Variants in UVRAG observed in about 807,000 individuals in gnomAD.
UVRAG encodes UV radiation resistance-associated gene protein.
UVRAG carries 19 observed loss-of-function variants against 78.0 expected under a neutral mutation model. The observed-to-expected ratio is 0.24, with a 90% CI of 0.17 to 0.36. UVRAG has a LOEUF of 0.36. UVRAG is among the 10% of genes least tolerant of loss of function. The pLI is 1.00. For synonymous variants in UVRAG, 323 were observed against 324.6 expected (o/e 1.00, Z 0.05); for missense variants, 740 against 853.8 (o/e 0.87, Z 1.66).
chr11:75,828,639 T>G (rs561718115), intron 1 of UVRAG, among the ~76,000 whole-genome samples: 2 of 149,152 alleles, frequency 1.3e-5, no homozygotes, highest in Non-Finnish European at 3.0e-5. Flanking sequence ...CCACCATGCC[T>G]GGCTAATTTA....
chr11:75,893,806 G>A lies in UVRAG; in HGVS notation c.507+4903G>A, dbSNP rs139842744. ...TGCAGTGAGCTGTGATCGCACCATT[G>A]CACTCTAGCCTATGTGACAGAAAAA... On this transcript the variant is annotated intron_variant, in intron 5 of 14. Coordinates refer to ENST00000356136, the MANE Select transcript of UVRAG (RefSeq NM_003369.4). 8.9e-3 allele frequency among the ~76,000 whole-genome samples: 1,339 copies of A among 150,680 alleles called. 20 individuals are homozygous for A. The highest frequency in any genetic ancestry group is 0.032 in the African/African-American group (1,291 of 40,922).
intron 12 of UVRAG, among the ~76,000 whole-genome samples, chr11:76,038,072 C>T (rs1459299171): frequency 2.0e-5 from 3 of 151,898 alleles, no homozygotes; most frequent in African/African-American, 7.2e-5. Context: ...TCTATTGGTT[C>T]TAGAAGTACC....
chr11:75,947,524 A>T, intron 6 of UVRAG, among the ~76,000 whole-genome samples: 1 of 152,208 alleles, frequency 6.6e-6, no homozygotes. Context: ...AACCTGATAT[A>T]TAAGGGGAGG....
rs140740578 is a variant in UVRAG, at chr11:76,094,080, T to C, written c.1306-21844T>C. ...GTTTTTAGCATGCAGGGCTGTTGAA[T>C]TTGTCAAAGGCCTTTTCTGCATCTA... On this transcript the variant is annotated intron_variant, in intron 13 of 14. Coordinates refer to ENST00000356136, the MANE Select transcript of UVRAG (RefSeq NM_003369.4). 1.8e-4 allele frequency among the ~76,000 whole-genome samples: 27 copies of C among 152,298 alleles called. No homozygotes were observed. The East Asian group carries it at 5.2e-3, about 29-fold the overall frequency.
At chr11:76,097,946 A>G (rs1305224724) in intron 13 of UVRAG, among the ~76,000 whole-genome samples, 1 of 151,582 alleles carries the variant, frequency 6.6e-6, no homozygotes, top group Non-Finnish European at 1.5e-5. Flanking sequence ...TGTTCTATCC[A>G]TTTTCTAACC....
At chr11:75,969,260 G>T (rs535789008) in intron 7 of UVRAG, among the ~76,000 whole-genome samples, 1 of 152,296 alleles carries the variant, frequency 6.6e-6, no homozygotes, top group Non-Finnish European at 1.5e-5. Flanking sequence ...TTTATGGCTG[G>T]CTGTTTCACT....
At chr11:76,111,600 C>G (rs1952067797) in intron 13 of UVRAG, among the ~76,000 whole-genome samples, 1 of 152,146 alleles carries the variant, frequency 6.6e-6, no homozygotes, top group South Asian at 2.1e-4. Context: ...ACACAGAGTT[C>G]CCCAACTGCC....
intron 14 of UVRAG, among the ~76,000 whole-genome samples, chr11:76,138,921 CA>C (rs2134514309): frequency 6.6e-6 from 1 of 152,262 alleles, no homozygotes; most frequent in Non-Finnish European, 1.5e-5. Context: ...ACAAGGCTTG[CA>C]AAAATGTGTA....
chr11:75,918,372 C>T (rs557949882), intron 6 of UVRAG, among the ~76,000 whole-genome samples: 16 of 148,718 alleles, frequency 1.1e-4, no homozygotes, highest in African/African-American at 3.7e-4. Context: ...AGCGAGACTC[C>T]GTCTCAGAAA....
chr11:76,048,185 A>AC (rs1388986763), intron 12 of UVRAG, among the ~76,000 whole-genome samples: 2 of 152,244 alleles, frequency 1.3e-5, no homozygotes, highest in African/African-American at 4.8e-5. Flanking sequence ...TTTGGGCTTG[A>AC]AAGCCTAGCC....
intron 14 of UVRAG, among the ~76,000 whole-genome samples, chr11:76,129,279 A>G (rs187254690): frequency 1.7e-4 from 26 of 152,348 alleles, no homozygotes; most frequent in Non-Finnish European, 1.5e-5. Flanking sequence ...GTTTTACACA[A>G]GGGATCATTT....
At position 76,141,173 on chromosome 11, in the gene UVRAG, C is replaced by T. The variant is rs766893843; in HGVS notation, c.1860C>T (p.Val620=). The change falls in exon 15 of 15, where the codon GTC becomes GTT. Residue 620 remains valine (V), a synonymous_variant. Transcript: ENST00000356136. ...SVQLPGEFHP[V]SEAELCCTVE... ...AGCTTCCAGGCGAGTTCCACCCAGT[C>T]TCAGAAGCTGAGCTCTGCTGTACTG... 6.2e-7 allele frequency: 1 copy of T among 1,614,196 alleles called. No homozygotes were observed. The highest frequency in any genetic ancestry group is 1.1e-5 in the South Asian group (1 of 91,078).
chr11:75,909,721 A>T (rs1947693475), intron 5 of UVRAG, among the ~76,000 whole-genome samples: 1 of 152,210 alleles, frequency 6.6e-6, no homozygotes, highest in Non-Finnish European at 1.5e-5. Flanking sequence ...TGGTAGATCA[A>T]CTAGACATTC....
chr11:75,866,669 T>G (rs539028004), intron 3 of UVRAG, among the ~76,000 whole-genome samples: 2 of 152,266 alleles, frequency 1.3e-5, no homozygotes, highest in African/African-American at 4.8e-5. Context: ...GCTTCTTTGG[T>G]ATGTAATAAT....
At chr11:75,958,499 A>G (rs931910195) in intron 6 of UVRAG, among the ~76,000 whole-genome samples, 4 of 152,180 alleles carry the variant, frequency 2.6e-5, no homozygotes, top group Non-Finnish European at 5.9e-5. Flanking sequence ...GTCAAGTTTG[A>G]TCATGAGATC....
intron 1 of UVRAG, among the ~76,000 whole-genome samples, chr11:75,818,162 T>G (rs1014274791): frequency 1.3e-5 from 2 of 152,166 alleles, no homozygotes; most frequent in African/African-American, 4.8e-5. Flanking sequence ...TGTTTTTCCT[T>G]TTTCTCTAAA....
intron 6 of UVRAG, among the ~76,000 whole-genome samples, chr11:75,926,127 T>C (rs946036734): frequency 1.3e-5 from 2 of 152,138 alleles, no homozygotes; most frequent in African/African-American, 4.8e-5. Context: ...ACTTTCCTAA[T>C]AGGCTTTCCT....
chr11:75,849,538 T>C (rs1946110120), intron 1 of UVRAG, among the ~76,000 whole-genome samples: 1 of 151,570 alleles, frequency 6.6e-6, no homozygotes, highest in Admixed American at 6.6e-5. Flanking sequence ...GTTAACCTTG[T>C]AGGGTTGTTA....
chr11:75,871,125 C>T (rs113615380), intron 3 of UVRAG, among the ~76,000 whole-genome samples: 4,570 of 152,100 alleles, frequency 0.03, 245 homozygotes, highest in African/African-American at 0.1. Context: ...TCGCCCACCT[C>T]GGCCTCCCAA....
Sources: allele counts gnomAD v4.1 joint callset (sites outside exome capture counted in the v4.1 genomes callset), GRCh38; gene constraint gnomAD v4.1.1; transcripts MANE v1.5; gene names NCBI Gene and HGNC (gene_info 2026-07-23, HGNC 2026-07-21).